GPHN: variants seen among roughly 807,000 people sequenced by gnomAD.
GPHN encodes gephyrin.
A neutral mutation model predicts 95.5 loss-of-function variants in GPHN; 17 were observed. The ratio of observed to expected loss-of-function variants is 0.18; its 90% confidence interval spans 0.12 to 0.27. The LOEUF is 0.27. GPHN is among the 10% of genes least tolerant of loss of function. The pLI is 1.00. For synonymous variants in GPHN, 320 were observed against 322.5 expected (o/e 0.99, Z 0.08); for missense variants, 660 against 978.1 (o/e 0.67, Z 4.34).
the GPHN span, among the ~76,000 whole-genome samples, chr14:67,501,960 G>A: frequency 6.6e-6 from 1 of 152,136 alleles, no homozygotes; most frequent in Non-Finnish European, 1.5e-5. Context: ...AAATCTTTTG[G>A]TTTTATAGTG....
chr14:66,961,900 G>GTATATATATATATATGTGTA lies in GPHN; in HGVS notation c.829-3276_829-3275insGTGTATATATATATATATAT, dbSNP rs2068930764. 1.3e-4 allele frequency among the ~76,000 whole-genome samples: 7 copies of GTATATATATATATATGTGTA among 53,004 alleles called. 1 individual carries two copies. Among genetic ancestry groups the GTATATATATATATATGTGTA allele is most frequent in the African/African-American group, 3.8e-4 (7 of 18,550 alleles). 34.8% of individuals were successfully genotyped at this position (53,004 alleles called of 152,430 possible). A position where few individuals can be genotyped will look rare whatever the true frequency, so the allele number is the denominator to read the frequency against. ...AACCAACCATTCTATCCCTGAATGTGTATATATATATATATATATATATAT... is the reference window on the plus strand; with the variant it reads ...AACCAACCATTCTATCCCTGAATGTGTATATATATATATATGTGTATATATATATATATATATATATATAT... On this transcript the variant is annotated intron_variant, in intron 8 of 22. Transcript: ENST00000478722.
At chr14:67,633,523 T>A in the GPHN span, among the ~76,000 whole-genome samples, 1 of 152,214 alleles carries the variant, frequency 6.6e-6, no homozygotes, top group South Asian at 2.1e-4. Context: ...CCTTATCATC[T>A]TCTCCCTCCC....
intron 8 of GPHN, among the ~76,000 whole-genome samples, chr14:66,942,470 T>G (rs548383409): frequency 6.6e-6 from 1 of 152,334 alleles, no homozygotes; most frequent in South Asian, 2.1e-4. Context: ...TTATAAACCA[T>G]CTTTTGAAAA....
the GPHN span, among the ~76,000 whole-genome samples, chr14:67,536,327 G>A: frequency 1.4e-4 from 21 of 151,866 alleles, no homozygotes; most frequent in African/African-American, 4.6e-4. Context: ...CCCCAGAAAC[G>A]GGACACAAAG....
chr14:66,551,384 G>C (rs1475575118), intron 1 of GPHN, among the ~76,000 whole-genome samples: 1 of 152,116 alleles, frequency 6.6e-6, no homozygotes, highest in Admixed American at 6.5e-5. Flanking sequence ...TTCTTCCTCT[G>C]TGTGGTCTTA....
the GPHN span, chr14:67,321,329 T>C: frequency 2.0e-6 from 3 of 1,492,360 alleles, no homozygotes; most frequent in Admixed American, 1.7e-5. Context: ...TAGTGGAAGC[T>C]ATATTTTGGT....
chr14:66,846,387 A>G (rs1032663028), intron 4 of GPHN, among the ~76,000 whole-genome samples: 17 of 152,320 alleles, frequency 1.1e-4, no homozygotes, highest in African/African-American at 3.8e-4. Flanking sequence ...TATGTGACAC[A>G]AAGACATAAA....
chr14:66,949,294 A>AGGCTGGTCTCGAACT (rs1238494545), intron 8 of GPHN, among the ~76,000 whole-genome samples: 1 of 152,128 alleles, frequency 6.6e-6, no homozygotes, highest in African/African-American at 2.4e-5. Context: ...CATGTTAGCC[A>AGGCTGGTCTCGAACT]GGCTGGTCTC....
chr14:67,510,770 T>G, the GPHN span, among the ~76,000 whole-genome samples: 5 of 152,088 alleles, frequency 3.3e-5, no homozygotes, highest in African/African-American at 4.8e-5. Flanking sequence ...AAAATGGGGT[T>G]TGGCCAAGGA....
the GPHN span, among the ~76,000 whole-genome samples, chr14:67,256,346 T>G: frequency 6.6e-6 from 1 of 152,266 alleles, no homozygotes; most frequent in African/African-American, 2.4e-5. Context: ...CATAAAGAGC[T>G]TCATGCTCTA....
intron 10 of GPHN, among the ~76,000 whole-genome samples, chr14:67,043,631 A>T (rs10135100): frequency 0.24 from 36,751 of 152,054 alleles, 8,858 homozygotes; most frequent in African/African-American, 0.59. Flanking sequence ...TCGGCTTGCC[A>T]GTATTATATT....
the GPHN span, among the ~76,000 whole-genome samples, chr14:67,277,370 A>G: frequency 2.6e-5 from 4 of 152,316 alleles, no homozygotes; most frequent in East Asian, 5.8e-4. Flanking sequence ...TTGTTGGACT[A>G]GTGGTTTTCC....
rs183322863 is a variant in GPHN, at chr14:66,518,413, A to G, written c.64+9822A>G. Among the ~76,000 whole-genome samples the G allele has an allele frequency of 2.8e-4, 42 of 152,272 alleles. No individual in the cohort carries two copies. In the East Asian group the frequency reaches 3.1e-3, roughly 11 times the overall value. On this transcript the variant is annotated intron_variant, in intron 1 of 22. Transcript: ENST00000478722. ...AGGAATGTAAACAAGTACAGCCACT[A>G]TGGAGAACAGTATAGAGGTTCTTTA...
chr14:67,375,232 CTGTGTGTGTGTGTGTGTGTGTG>C, the GPHN span, among the ~76,000 whole-genome samples: 906 of 137,672 alleles, frequency 6.6e-3, 18 homozygotes, highest in East Asian at 0.059. Context: ...ATCCTCAGTT[CTGTGTGTGTGTGTGTGTGTGTG>C]TGTGTGTGTG....
the GPHN span, among the ~76,000 whole-genome samples, chr14:67,501,069 T>TAATAAG: frequency 6.8e-6 from 1 of 147,786 alleles, no homozygotes; most frequent in Non-Finnish European, 1.5e-5. Flanking sequence ...ATAATAATAA[T>TAATAAG]AATAATAATA....
chr14:67,524,175 C>T, the GPHN span, among the ~76,000 whole-genome samples: 2 of 151,996 alleles, frequency 1.3e-5, no homozygotes, highest in Non-Finnish European at 2.9e-5. Flanking sequence ...CATATGTTCC[C>T]CAAGTTCCCG....
At chr14:66,818,221 T>C (rs149754640) in intron 3 of GPHN, among the ~76,000 whole-genome samples, 3 of 152,192 alleles carry the variant, frequency 2.0e-5, no homozygotes, top group African/African-American at 7.2e-5. Flanking sequence ...GTATTAAGCC[T>C]AGTACCCATT....
At chr14:67,040,387 CA>C (rs1489190207) in intron 10 of GPHN, among the ~76,000 whole-genome samples, 1 of 151,972 alleles carries the variant, frequency 6.6e-6, no homozygotes, top group East Asian at 1.9e-4. Context: ...TATTTCCTTC[CA>C]AAAAAATCTG....
At chr14:66,711,234 C>T (rs961505202) in intron 2 of GPHN, among the ~76,000 whole-genome samples, 2 of 152,144 alleles carry the variant, frequency 1.3e-5, no homozygotes, top group Non-Finnish European at 2.9e-5. Flanking sequence ...TTGTATCATT[C>T]TTATGCCTTT....
Sources: gnomAD v4.1 joint callset for allele counts (sites outside exome capture counted in the v4.1 genomes callset) on GRCh38, gnomAD v4.1.1 for gene constraint, MANE v1.5 for transcripts, NCBI Gene and HGNC (gene_info 2026-07-23, HGNC 2026-07-21) for gene names.